Variants in PPP2R5E observed in about 807,000 individuals in gnomAD.
The protein encoded by PPP2R5E is protein phosphatase 2 regulatory subunit B'epsilon.
Under a neutral mutation model 65.3 loss-of-function variants are expected in PPP2R5E, and 4 were observed. That is an observed-to-expected ratio of 0.06 (90% CI 0.03 to 0.14). The LOEUF is 0.14. Ranked by LOEUF, PPP2R5E falls within the 10% of genes least tolerant of loss-of-function variation. The pLI, the probability that PPP2R5E is intolerant of heterozygous loss-of-function variation, is 1.00. For synonymous variants in PPP2R5E, 183 were observed against 187.4 expected (o/e 0.98, Z 0.19); for missense variants, 274 against 556.1 (o/e 0.49, Z 5.10).
chr14:63,506,702 T>C (rs1421182960), intron 2 of PPP2R5E, among the ~76,000 whole-genome samples: 1 of 152,124 alleles, frequency 6.6e-6, no homozygotes, highest in East Asian at 1.9e-4. Context: ...GGTGGGGATA[T>C]AAAATGGTGG....
intron 2 of PPP2R5E, among the ~76,000 whole-genome samples, chr14:63,501,880 A>G (rs1340140001): frequency 1.3e-5 from 2 of 152,166 alleles, no homozygotes; most frequent in East Asian, 3.9e-4. Context: ...TTTCCAAATA[A>G]AAATTAGAGT....
At chr14:63,527,154 A>C (rs1178940384) in intron 2 of PPP2R5E, among the ~76,000 whole-genome samples, 2 of 152,130 alleles carry the variant, frequency 1.3e-5, no homozygotes, top group African/African-American at 2.4e-5. Context: ...GGACAACAAG[A>C]GGGAAACTCC....
intron 2 of PPP2R5E, among the ~76,000 whole-genome samples, chr14:63,526,151 T>A (rs1431625662): frequency 2.0e-5 from 3 of 152,200 alleles, no homozygotes; most frequent in South Asian, 4.2e-4. Context: ...TGAGCCACCA[T>A]GCCTGGCCCT....
At chr14:63,519,195 C>T (rs1018884860) in intron 2 of PPP2R5E, among the ~76,000 whole-genome samples, 5 of 151,402 alleles carry the variant, frequency 3.3e-5, no homozygotes, top group African/African-American at 1.2e-4. Context: ...GGCTGGGCAA[C>T]AAGAGCGAGA....
At chr14:63,442,573 C>CAG (rs369565052) in intron 3 of PPP2R5E, among the ~76,000 whole-genome samples, 1 of 151,966 alleles carries the variant, frequency 6.6e-6, no homozygotes, top group African/African-American at 2.4e-5. Flanking sequence ...GAGAGAGAGA[C>CAG]AGAGAGAGAG....
chr14:63,463,102 C>CA (rs35267340), intron 2 of PPP2R5E, among the ~76,000 whole-genome samples: 3,695 of 88,526 alleles, frequency 0.042, 157 homozygotes, highest in African/African-American at 0.11. Context: ...AACTCCATCT[C>CA]AAAAAAAAAA....
At chr14:63,422,797 A>C (rs1887115648) in intron 3 of PPP2R5E, among the ~76,000 whole-genome samples, 2 of 149,436 alleles carry the variant, frequency 1.3e-5, no homozygotes, top group Admixed American at 1.3e-4. Flanking sequence ...TATCAGGCTT[A>C]TTCACTATTT....
chr14:63,392,453 G>T (rs1211873163), intron 8 of PPP2R5E, among the ~76,000 whole-genome samples: 2 of 152,144 alleles, frequency 1.3e-5, no homozygotes, highest in East Asian at 3.8e-4. Context: ...TAAAAACTTT[G>T]CCAATTGCCT....
intron 2 of PPP2R5E, among the ~76,000 whole-genome samples, chr14:63,487,808 C>T (rs1228544311): frequency 6.6e-6 from 1 of 152,158 alleles, no homozygotes; most frequent in Non-Finnish European, 1.5e-5. Flanking sequence ...TTGATCATCT[C>T]AACATAATCA....
chr14:63,534,507 G>A (rs895205652), intron 2 of PPP2R5E, among the ~76,000 whole-genome samples: 7 of 151,652 alleles, frequency 4.6e-5, no homozygotes, highest in Admixed American at 3.9e-4. Flanking sequence ...CAAATGACCC[G>A]CCCCCTGTCG....
intron 2 of PPP2R5E, among the ~76,000 whole-genome samples, chr14:63,494,546 T>TAAA (rs80245799): frequency 9.9e-5 from 14 of 141,890 alleles, no homozygotes; most frequent in Non-Finnish European, 2.2e-4. Context: ...TACAGCCATT[T>TAAA]AAAAAAAAAA....
intron 3 of PPP2R5E, among the ~76,000 whole-genome samples, chr14:63,449,749 C>T (rs1888704012): frequency 7.4e-6 from 1 of 135,162 alleles, no homozygotes; most frequent in Non-Finnish European, 1.6e-5. Context: ...TAGCACCACA[C>T]AAAAATGGAG....
chr14:63,391,558 G>C (rs984437086), intron 10 of PPP2R5E, among the ~76,000 whole-genome samples: 1 of 152,120 alleles, frequency 6.6e-6, no homozygotes, highest in Admixed American at 6.5e-5. Flanking sequence ...CGGGTAGCTG[G>C]GACTACAGGC....
chr14:63,470,112 C>T (rs1353807228), intron 2 of PPP2R5E, among the ~76,000 whole-genome samples: 2 of 152,170 alleles, frequency 1.3e-5, no homozygotes, highest in Admixed American at 6.5e-5. Flanking sequence ...CACTCTGTCA[C>T]CCACGCTAGA....
At chr14:63,413,169 A>G (rs757878779) in intron 5 of PPP2R5E, among the ~76,000 whole-genome samples, 8 of 152,228 alleles carry the variant, frequency 5.3e-5, no homozygotes, top group African/African-American at 1.7e-4. Context: ...TTTTCGTATT[A>G]TAAGTTTCAT....
chr14:63,377,159 TA>T (rs559232238), intron 13 of PPP2R5E, among the ~76,000 whole-genome samples: 415 of 133,404 alleles, frequency 3.1e-3, no homozygotes, highest in Non-Finnish European at 4.8e-3. Flanking sequence ...CAAAAAAAAA[TA>T]AAAAAAAAAA....
intron 2 of PPP2R5E, among the ~76,000 whole-genome samples, chr14:63,493,545 G>A (rs1891393514): frequency 6.6e-6 from 1 of 152,012 alleles, no homozygotes; most frequent in Non-Finnish European, 1.5e-5. Context: ...CCCTAGGTGA[G>A]AATCATTGGT....
intron 2 of PPP2R5E, among the ~76,000 whole-genome samples, chr14:63,461,473 A>C (rs1468505985): frequency 2.0e-5 from 3 of 152,148 alleles, no homozygotes; most frequent in African/African-American, 7.2e-5. Flanking sequence ...AAGAACGATC[A>C]TAGAATAAAA....
intron 2 of PPP2R5E, among the ~76,000 whole-genome samples, chr14:63,465,046 A>G (rs1441483459): frequency 2.0e-5 from 3 of 151,118 alleles, no homozygotes; most frequent in Non-Finnish European, 4.4e-5. Flanking sequence ...AAAAAAAAAG[A>G]CAAGAAAAGA....
Sources: gnomAD v4.1 joint callset for allele counts (sites outside exome capture counted in the v4.1 genomes callset) on GRCh38, gnomAD v4.1.1 for gene constraint, MANE v1.5 for transcripts, NCBI Gene and HGNC (gene_info 2026-07-23, HGNC 2026-07-21) for gene names.